Variants in LPP observed in about 807,000 individuals in gnomAD.
LPP encodes LIM domain containing preferred translocation partner in lipoma.
A neutral mutation model predicts 60.4 loss-of-function variants in LPP; 38 were observed. The ratio of observed to expected loss-of-function variants is 0.63; its 90% CI spans 0.49 to 0.83. The LOEUF is 0.83. Ranked by LOEUF, LPP falls within the 40% of genes least tolerant of loss-of-function variation. LPP has a pLI of 0.00. For missense variants in LPP, 902 were observed against 783.6 expected (o/e 1.15, Z -1.80); for synonymous variants, 328 against 290.8 (o/e 1.13, Z -1.30).
chr3:188,409,808 A>G (rs954918026), intron 4 of LPP, among the ~76,000 whole-genome samples: 5 of 152,218 alleles, frequency 3.3e-5, no homozygotes, highest in African/African-American at 1.2e-4. Flanking sequence ...GTTAGAACTA[A>G]TAGAAATCAC....
intron 9 of LPP, among the ~76,000 whole-genome samples, chr3:188,838,178 T>C (rs1758963737): frequency 6.6e-6 from 1 of 152,198 alleles, no homozygotes; most frequent in Non-Finnish European, 1.5e-5. Context: ...GGTAATAATA[T>C]CAAACTTTCT....
chr3:188,608,815 C>T (rs1464007238), intron 6 of LPP, among the ~76,000 whole-genome samples: 2 of 152,054 alleles, frequency 1.3e-5, no homozygotes. Context: ...AGATGTTTAT[C>T]CGTTTGTTTG....
In LPP at chr3:188,610,965, T is replaced by C. The variant is rs9872757; in HGVS notation, c.1113+1121T>C. Among the ~76,000 whole-genome samples the C allele has an allele frequency of 0.21, 32,310 of 152,178 alleles. 4,329 individuals carry two copies. The highest frequency in any genetic ancestry group is 0.75 in the East Asian group (3,861 of 5,174). On this transcript the variant is annotated intron_variant, in intron 7 of 11. Coordinates refer to ENST00000617246, the MANE Select transcript of LPP (RefSeq NM_001375462.1). The surrounding 1 kb of genome is among the most constrained non-coding windows in gnomAD (Gnocchi z 4.4). ...ATTGGGTAGAAGTTTGGACTGTATT[T>C]TTAAAAATTCTTTCCACATTTTTAC...
At chr3:188,174,202 C>T (rs1367422716) in intron 1 of LPP, among the ~76,000 whole-genome samples, 2 of 152,198 alleles carry the variant, frequency 1.3e-5, no homozygotes, top group Non-Finnish European at 2.9e-5. Flanking sequence ...ATCTGTGACA[C>T]TCAGGAATGG....
chr3:188,816,077 A>G (rs1752394297), intron 9 of LPP, among the ~76,000 whole-genome samples: 2 of 152,228 alleles, frequency 1.3e-5, no homozygotes, highest in Admixed American at 1.3e-4. Flanking sequence ...TTCAAATGAC[A>G]TTATTGATAT....
At chr3:188,185,260 G>A (rs545456186) in intron 1 of LPP, among the ~76,000 whole-genome samples, 30 of 151,856 alleles carry the variant, frequency 2.0e-4, no homozygotes, top group Non-Finnish European at 3.7e-4. Flanking sequence ...CTGTGAAATC[G>A]GGGAGCGGGC....
At position 188,551,588 on chromosome 3, in the gene LPP, G is replaced by A. The variant is rs118188938; in HGVS notation, c.429+26801G>A. ...ATGGACCTTCTCATAGGGAACTTAC[G>A]TTTTAGTAGGGAAAATATAACATAT... On this transcript the variant is annotated intron_variant, in intron 6 of 11. Transcript: ENST00000617246. Among the ~76,000 whole-genome samples, 328 of 152,232 alleles carry A rather than the reference G, an allele frequency of 2.2e-3. 3 individuals carry two copies. Among genetic ancestry groups the A allele is most frequent in the East Asian group, 0.02 (102 of 5,176 alleles).
intron 3 of LPP, among the ~76,000 whole-genome samples, chr3:188,359,521 G>A (rs182138420): frequency 2.5e-4 from 38 of 152,288 alleles, no homozygotes; most frequent in African/African-American, 6.7e-4. Flanking sequence ...GCATTGGCCC[G>A]AAAGGGGAAG....
At chr3:188,388,138 A>G (rs1778815415) in intron 3 of LPP, among the ~76,000 whole-genome samples, 1 of 152,156 alleles carries the variant, frequency 6.6e-6, no homozygotes, top group Non-Finnish European at 1.5e-5. Context: ...ACAGCAAATC[A>G]AAGAGGAAAC....
intron 6 of LPP, among the ~76,000 whole-genome samples, chr3:188,564,039 C>G (rs1469416009): frequency 1.3e-5 from 2 of 151,958 alleles, no homozygotes; most frequent in Non-Finnish European, 2.9e-5. Flanking sequence ...GAATAAGGTA[C>G]TTAACGCAAT....
chr3:188,852,151 G>A (rs994761144), intron 9 of LPP, among the ~76,000 whole-genome samples: 1 of 152,184 alleles, frequency 6.6e-6, no homozygotes, highest in Non-Finnish European at 1.5e-5. Flanking sequence ...GGGACAGAGT[G>A]AGACTCTGTC....
Position 188,262,635 on chromosome 3 carries a change from G to GTC in LPP, c.-67+37118_-67+37119dup, listed in dbSNP as rs990383938. On this transcript the variant is annotated intron_variant, in intron 2 of 11. Coordinates refer to ENST00000617246, the MANE Select transcript of LPP (RefSeq NM_001375462.1). Reference sequence around the variant, plus strand: ...ACCCCCTCATCTCTCTCTCTCTCTTGTCTCTCTCTCTTCTCTGTCTCTCAC... The same window carrying GTC: ...ACCCCCTCATCTCTCTCTCTCTCTTGTCTCTCTCTCTCTTCTCTGTCTCTCAC... Among the ~76,000 whole-genome samples, 5 of 149,902 alleles carry GTC rather than the reference G, an allele frequency of 3.3e-5. No homozygotes were observed. The East Asian group carries it at 9.8e-4, about 29-fold the overall frequency.
At chr3:188,627,420 C>T (rs931924497) in intron 7 of LPP, among the ~76,000 whole-genome samples, 1 of 152,076 alleles carries the variant, frequency 6.6e-6, no homozygotes, top group Non-Finnish European at 1.5e-5. Flanking sequence ...GCAGTGACAC[C>T]TTTAGGCTCA....
intron 2 of LPP, chr3:188,239,988 C>T (rs959416363): frequency 5.1e-6 from 1 of 196,778 alleles, no homozygotes; most frequent in African/African-American, 2.3e-5. Context: ...AAACTGAGGC[C>T]CAGAGAAGTA....
chr3:188,544,676 C>G (rs1002592520), intron 6 of LPP, among the ~76,000 whole-genome samples: 2 of 102,538 alleles, frequency 2.0e-5, no homozygotes, highest in African/African-American at 7.8e-5. Flanking sequence ...CTAGTTCAAC[C>G]ATTGTGGAAG....
chr3:188,483,970 T>A (rs1329778902), intron 4 of LPP, among the ~76,000 whole-genome samples: 1 of 152,206 alleles, frequency 6.6e-6, no homozygotes, highest in Non-Finnish European at 1.5e-5. Context: ...TATCTAATCT[T>A]TATAACTCAC....
Position 188,407,778 on chromosome 3 carries a change from TTGTTTGTTTG to T in LPP, c.193+1467_193+1476del, listed in dbSNP as rs1386485562. Among the ~76,000 whole-genome samples, 11 of 52,354 alleles carry T rather than the reference TTGTTTGTTTG, an allele frequency of 2.1e-4. 1 individual carries two copies. Among genetic ancestry groups the T allele is most frequent in the African/African-American group, 5.4e-4 (11 of 20,290 alleles). The allele number at this position is 52,354 out of a possible 152,430, so 34.3% of individuals were successfully genotyped here. A position where few individuals can be genotyped will look rare whatever the true frequency, so the allele number is the denominator to read the frequency against. ...GCTTCCTCATTTATGGTTTTTTTTT[TTGTTTGTTTG>T]TTTTTTTTTTTTTTTTTTTGAGATG... is the stretch of plus-strand genomic sequence containing the variant. On this transcript the variant is annotated intron_variant, in intron 4 of 11. Transcript: ENST00000617246.
chr3:188,508,601 T>A (rs1002320432), intron 5 of LPP, among the ~76,000 whole-genome samples: 1 of 152,222 alleles, frequency 6.6e-6, no homozygotes, highest in South Asian at 2.1e-4. Flanking sequence ...CTCAGAAGAC[T>A]TTATTAACAC....
chr3:188,716,637 A>T (rs1052344802), intron 8 of LPP, among the ~76,000 whole-genome samples: 1 of 152,330 alleles, frequency 6.6e-6, no homozygotes, highest in South Asian at 2.1e-4. Flanking sequence ...TTGTGATTCA[A>T]AAATTAGCAA....
Sources: gnomAD v4.1 joint callset for allele counts (sites outside exome capture counted in the v4.1 genomes callset) on GRCh38, gnomAD v4.1.1 for gene constraint, Gnocchi (gnomAD v3.1) non-coding constraint, MANE v1.5 for transcripts, NCBI Gene and HGNC (gene_info 2026-07-23, HGNC 2026-07-21) for gene names.